NALF1: variants seen among roughly 807,000 people sequenced by gnomAD.
The protein encoded by NALF1 is NALCN channel auxiliary factor 1.
In NALF1, 3 loss-of-function variants were observed where a neutral mutation model predicts 48.4. The ratio of observed to expected loss-of-function variants is 0.06; its 90% CI spans 0.03 to 0.16. NALF1 has a LOEUF of 0.16. Ranked by LOEUF, NALF1 falls within the 10% of genes least tolerant of loss-of-function variation. NALF1 has a pLI of 1.00. For synonymous variants in NALF1, 262 were observed against 245.7 expected, an observed-to-expected ratio of 1.07 and a Z score of -0.62; for missense variants, 526 against 571.5, an observed-to-expected ratio of 0.92 and a Z score of 0.81.
At chr13:107,683,943 A>C (rs910974534) in intron 1 of NALF1, among the ~76,000 whole-genome samples, 1 of 152,146 alleles carries the variant, frequency 6.6e-6, no homozygotes, top group African/African-American at 2.4e-5. Flanking sequence ...AAAAGTACTC[A>C]AATGTCCTTG....
intron 1 of NALF1, among the ~76,000 whole-genome samples, chr13:107,779,361 A>T (rs1214194155): frequency 1.3e-5 from 2 of 152,184 alleles, no homozygotes; most frequent in Admixed American, 1.3e-4. Flanking sequence ...TCACATCTTT[A>T]AGTCATTTTC....
intron 1 of NALF1, among the ~76,000 whole-genome samples, chr13:107,766,878 C>T (rs1167059479): frequency 6.6e-6 from 1 of 152,052 alleles, no homozygotes; most frequent in Admixed American, 6.6e-5. Flanking sequence ...AGAAGTAAAA[C>T]CAATTTTATT....
rs534849846 is a variant in NALF1 at position 107,436,735 on chromosome 13, T to C, written c.916-225980A>G. 2.0e-4 allele frequency among the ~76,000 whole-genome samples: 30 copies of C among 152,252 alleles called. No individual in the cohort carries two copies. The South Asian group carries it at 2.5e-3, about 13-fold the overall frequency. The stretch of plus-strand genomic sequence containing the variant: ...GTACTAGAGTTCCTAACTAGTTCTC[T>C]AAGGCAAGAAAATTTCAAAAAAGCA... On this transcript the variant is annotated intron_variant, in intron 1 of 2. Coordinates refer to ENST00000375915, the MANE Select transcript of NALF1 (RefSeq NM_001080396.3).
intron 1 of NALF1, among the ~76,000 whole-genome samples, chr13:107,701,147 G>A (rs1282066847): frequency 6.6e-6 from 1 of 152,134 alleles, no homozygotes; most frequent in Non-Finnish European, 1.5e-5. Flanking sequence ...ATACCCAAAG[G>A]AGATGAAATC....
chr13:107,798,180 CAAT>C (rs1338755800), intron 1 of NALF1, among the ~76,000 whole-genome samples: 12 of 152,188 alleles, frequency 7.9e-5, no homozygotes, highest in East Asian at 1.9e-4. Flanking sequence ...CATTCAACAA[CAAT>C]GAGTAGAGAA....
At chr13:107,485,135 C>T (rs1207680107) in intron 1 of NALF1, among the ~76,000 whole-genome samples, 1 of 152,152 alleles carries the variant, frequency 6.6e-6, no homozygotes, top group East Asian at 1.9e-4. Flanking sequence ...TGAAGCAGGG[C>T]TGCATTTGTA....
intron 1 of NALF1, among the ~76,000 whole-genome samples, chr13:107,723,349 C>T (rs1032868897): frequency 6.6e-6 from 1 of 152,134 alleles, no homozygotes; most frequent in Non-Finnish European, 1.5e-5. Flanking sequence ...CTGGCAAGCT[C>T]AAAGATTGAC....
chr13:107,866,672 T>A lies in NALF1; in HGVS notation c.-76A>T. 1 of 1,228,092 alleles carries A rather than the reference T, an allele frequency of 8.1e-7. No individual in the cohort carries two copies. Among genetic ancestry groups the A allele is most frequent in the Non-Finnish European group, 1.1e-6 (1 of 879,040 alleles). The allele number at this position is 1,228,092 out of a possible 1,614,324, so 76.1% of individuals were successfully genotyped here. On this transcript the variant is annotated 5_prime_UTR_variant, in exon 1 of 3. The change creates a new upstream start codon in the 5' untranslated region. Transcript: ENST00000375915. This position sits in a 1 kb window ranked among gnomAD's most constrained non-coding sequence, Gnocchi z 4.4. ...CGGTGTCACCACAATATGCATTGACTTAAAGGGTTTAATTTCCTTATCCCC... is the reference window on the plus strand; with the variant it reads ...CGGTGTCACCACAATATGCATTGACATAAAGGGTTTAATTTCCTTATCCCC...
At chr13:107,512,208 C>T (rs1338780655) in intron 1 of NALF1, among the ~76,000 whole-genome samples, 1 of 152,162 alleles carries the variant, frequency 6.6e-6, no homozygotes, top group Non-Finnish European at 1.5e-5. Flanking sequence ...TCCTGGCTAA[C>T]ATGGTGAAAC....
chr13:107,670,684 C>A (rs942784157), intron 1 of NALF1, among the ~76,000 whole-genome samples: 2 of 152,116 alleles, frequency 1.3e-5, no homozygotes, highest in African/African-American at 4.8e-5. Context: ...ATATTCTTCA[C>A]AACCACTGAT....
intron 2 of NALF1, among the ~76,000 whole-genome samples, chr13:107,203,559 C>T (rs1879567363): frequency 6.6e-6 from 1 of 152,138 alleles, no homozygotes; most frequent in Admixed American, 6.5e-5. Flanking sequence ...CGAGTGACAT[C>T]TTCCCTCAAT....
chr13:107,859,544 G>A (rs981757561), intron 1 of NALF1, among the ~76,000 whole-genome samples: 5 of 152,130 alleles, frequency 3.3e-5, no homozygotes, highest in African/African-American at 9.7e-5. Flanking sequence ...CAATACAACT[G>A]TAAGTCATTA....
intron 1 of NALF1, among the ~76,000 whole-genome samples, chr13:107,300,016 G>T (rs927672637): frequency 6.6e-6 from 1 of 152,144 alleles, no homozygotes. Context: ...AGAAGGTATT[G>T]TTTCCTAGTC....
At chr13:107,391,999 A>G (rs1356535204) in intron 1 of NALF1, among the ~76,000 whole-genome samples, 1 of 152,104 alleles carries the variant, frequency 6.6e-6, no homozygotes, top group Non-Finnish European at 1.5e-5. Context: ...ACTGTTGTAG[A>G]TCCTTTGCAT....
At chr13:107,288,823 G>A (rs186022132) in intron 1 of NALF1, among the ~76,000 whole-genome samples, 3 of 152,026 alleles carry the variant, frequency 2.0e-5, no homozygotes, top group East Asian at 1.9e-4. Context: ...GGGAGCCACC[G>A]CGCCCAGCCC....
At chr13:107,617,287 G>T (rs565728004) in intron 1 of NALF1, among the ~76,000 whole-genome samples, 1 of 152,078 alleles carries the variant, frequency 6.6e-6, no homozygotes, top group Non-Finnish European at 1.5e-5. Flanking sequence ...AAGAGGGAGA[G>T]GGAGAGGTCT....
chr13:107,354,499 T>C (rs923445280), intron 1 of NALF1, among the ~76,000 whole-genome samples: 1 of 152,076 alleles, frequency 6.6e-6, no homozygotes, highest in Admixed American at 6.6e-5. Context: ...CCAGATCTCA[T>C]GAGAACTCAC....
At chr13:107,707,147 C>T (rs1414450869) in intron 1 of NALF1, among the ~76,000 whole-genome samples, 1 of 151,776 alleles carries the variant, frequency 6.6e-6, no homozygotes, top group Non-Finnish European at 1.5e-5. Context: ...TGGTCTCGAT[C>T]TCCTGACCTC....
At chr13:107,279,539 A>G (rs1486800199) in intron 1 of NALF1, among the ~76,000 whole-genome samples, 2 of 152,078 alleles carry the variant, frequency 1.3e-5, no homozygotes, top group Admixed American at 6.5e-5. Context: ...TACAGGCCTG[A>G]GCCACCGCAC....
Sources: allele counts gnomAD v4.1 joint callset (sites outside exome capture counted in the v4.1 genomes callset), GRCh38; gene constraint gnomAD v4.1.1; non-coding constraint Gnocchi (gnomAD v3.1); transcripts MANE v1.5; gene names NCBI Gene and HGNC (gene_info 2026-07-23, HGNC 2026-07-21).